KCNK10: variants seen among roughly 807,000 people sequenced by gnomAD.
The protein encoded by KCNK10 is potassium two pore domain channel subfamily K member 10.
In KCNK10, 25 loss-of-function variants were observed where a neutral mutation model predicts 47.7. The observed-to-expected ratio is 0.52, with a 90% confidence interval of 0.38 to 0.73. KCNK10 has a LOEUF of 0.73. Ranked by LOEUF, KCNK10 falls within the 30% of genes least tolerant of loss-of-function variation. KCNK10 has a pLI of 0.00. For synonymous variants in KCNK10, 303 were observed against 285.6 expected (o/e 1.06, Z -0.61); for missense variants, 563 against 714.5 (o/e 0.79, Z 2.42).
intron 2 of KCNK10, among the ~76,000 whole-genome samples, chr14:88,252,852 G>A (rs535313814): frequency 1.8e-3 from 273 of 152,294 alleles, no homozygotes; most frequent in African/African-American, 6.2e-3. Context: ...AGAGCTCTGC[G>A]TTAGAAGGCA....
chr14:88,219,013 A>G (rs751703418), intron 4 of KCNK10, among the ~76,000 whole-genome samples: 6 of 152,236 alleles, frequency 3.9e-5, no homozygotes, highest in Non-Finnish European at 7.3e-5. Context: ...CCCATCTGGA[A>G]GAGGTTAAGG....
At position 88,185,481 on chromosome 14, in the gene KCNK10, A is replaced by AC. The variant is rs1319461616; in HGVS notation, c.*53_*54insG. 109 of 1,510,858 alleles carry AC rather than the reference A, an allele frequency of 7.2e-5. No individual in the cohort carries two copies. Among genetic ancestry groups the AC allele is most frequent in the East Asian group, 2.6e-4 (11 of 42,348 alleles). The allele number at this position is 1,510,858 out of a possible 1,614,324, so 93.6% of individuals were successfully genotyped here. A position where few individuals can be genotyped will look rare whatever the true frequency, so the allele number is the denominator to read the frequency against. On this transcript the variant is annotated 3_prime_UTR_variant, in exon 7 of 7. Coordinates refer to ENST00000319231, the MANE Select transcript of KCNK10 (RefSeq NM_138317.3). This position sits in a 1 kb window ranked among gnomAD's most constrained non-coding sequence, Gnocchi z 4.3. The stretch of plus-strand genomic sequence containing the variant: ...GCACATGTCTCAGTGTGAATATTAA[A>AC]AACACACACACACACACACACAACG...
At chr14:88,271,950 C>A (rs1887416442) in intron 1 of KCNK10, among the ~76,000 whole-genome samples, 1 of 151,272 alleles carries the variant, frequency 6.6e-6, no homozygotes, top group Admixed American at 6.6e-5. Flanking sequence ...AAGTCAGAAG[C>A]CTCTCCACTA....
At chr14:88,284,945 TCA>T (rs1476646365) in intron 1 of KCNK10, among the ~76,000 whole-genome samples, 1 of 151,208 alleles carries the variant, frequency 6.6e-6, no homozygotes, top group Non-Finnish European at 1.5e-5. Flanking sequence ...TACATAATAC[TCA>T]CAGGGTGCTT....
chr14:88,274,560 A>G lies in KCNK10; in HGVS notation c.53-11009T>C, dbSNP rs553536988. The stretch of plus-strand genomic sequence containing the variant: ...AGTGAGACTCTATCTAAAAAAAAAA[A>G]AAAAAAGATCTTATGGCTTAAGTCC... On this transcript the variant is annotated intron_variant, in intron 1 of 6. Coordinates refer to ENST00000319231, the MANE Select transcript of KCNK10 (RefSeq NM_138317.3). Among the ~76,000 whole-genome samples, 2 of 149,982 alleles carry G rather than the reference A, an allele frequency of 1.3e-5. 1 individual carries two copies. The highest frequency in any genetic ancestry group is 4.9e-5 in the African/African-American group (2 of 40,926).
At chr14:88,235,713 A>G (rs1886281458) in intron 3 of KCNK10, among the ~76,000 whole-genome samples, 1 of 152,228 alleles carries the variant, frequency 6.6e-6, no homozygotes, top group Admixed American at 6.5e-5. Flanking sequence ...AAAGTAGAAG[A>G]GAAATGAGAG....
At position 88,219,234 on chromosome 14, in the gene KCNK10, T is replaced by C. The variant is rs117216093; in HGVS notation, c.681+8141A>G. Among the ~76,000 whole-genome samples the C allele has an allele frequency of 8.7e-3, 1,320 of 152,322 alleles. 10 individuals are homozygous for C. The highest frequency in any genetic ancestry group is 0.014 in the Non-Finnish European group (985 of 68,028). ...GGACCCAGGAGTGCATCTTAGAGCA[T>C]ATGAACATGACTATACCAGTGCGCA... is the stretch of plus-strand genomic sequence containing the variant. On this transcript the variant is annotated intron_variant, in intron 4 of 6. Transcript: ENST00000319231.
rs530525064 is a variant in KCNK10, at chr14:88,181,130, G to A, written c.*4405C>T. 15 of 275,620 alleles carry A rather than the reference G, an allele frequency of 5.4e-5. No homozygotes were observed. The highest frequency in any genetic ancestry group is 3.4e-4 in the South Asian group (2 of 5,878). 17.1% of individuals were successfully genotyped at this position (275,620 alleles called of 1,614,324 possible). A position where few individuals can be genotyped will look rare whatever the true frequency, so the allele number is the denominator to read the frequency against. On this transcript the variant is annotated 3_prime_UTR_variant, in exon 7 of 7. Coordinates refer to ENST00000319231, the MANE Select transcript of KCNK10 (RefSeq NM_138317.3). ...ATGTTTGTTTTCCTACGCCTTTCCC[G>A]TGGTTCAGAAACCCTGGTACACACT...
chr14:88,257,010 C>T (rs906173391), intron 2 of KCNK10, among the ~76,000 whole-genome samples: 1 of 152,128 alleles, frequency 6.6e-6, no homozygotes, highest in African/African-American at 2.4e-5. Flanking sequence ...GATTAACCCC[C>T]GAGTCCTGGG....
At chr14:88,290,219 G>A (rs1430724802) in intron 1 of KCNK10, among the ~76,000 whole-genome samples, 2 of 152,096 alleles carry the variant, frequency 1.3e-5, no homozygotes, top group African/African-American at 2.4e-5. Flanking sequence ...CCAGAGAGAG[G>A]AGGCATGTGA....
chr14:88,320,064 C>T (rs1353210880), intron 1 of KCNK10, among the ~76,000 whole-genome samples: 2 of 152,196 alleles, frequency 1.3e-5, no homozygotes, highest in African/African-American at 4.8e-5. Flanking sequence ...ACTGTCACCC[C>T]TACCTTTGGG....
In KCNK10 at chr14:88,215,039, T is replaced by A. The variant is rs140481662; in HGVS notation, c.681+12336A>T. Among the ~76,000 whole-genome samples, 287 of 152,244 alleles carry A rather than the reference T, an allele frequency of 1.9e-3. 2 individuals are homozygous for A. The highest frequency in any genetic ancestry group is 6.6e-3 in the African/African-American group (273 of 41,546). The stretch of plus-strand genomic sequence containing the variant: ...TATGGGCTGTGTGACCTTGGACAAG[T>A]CACAGAACCAGTCTAAGCATTCCAA... On this transcript the variant is annotated intron_variant, in intron 4 of 6. Transcript: ENST00000319231.
chr14:88,211,164 TACTC>T (rs754153679), intron 4 of KCNK10, among the ~76,000 whole-genome samples: 4 of 152,230 alleles, frequency 2.6e-5, no homozygotes, highest in Non-Finnish European at 4.4e-5. Context: ...AGGGGGATAT[TACTC>T]AGCCTTGAAA....
intron 4 of KCNK10, among the ~76,000 whole-genome samples, chr14:88,197,380 T>C (rs1884946312): frequency 6.6e-6 from 1 of 151,876 alleles, no homozygotes; most frequent in South Asian, 2.1e-4. Context: ...AAGACCTGCC[T>C]GGCCAACATG....
Position 88,186,306 on chromosome 14 carries a change from T to C in KCNK10, c.1012-151A>G. ...GAGGTGCAAATGCTACCTTCTGCCC[T>C]AGTACTTCTGCCACCTGGACACCCA... On this transcript the variant is annotated intron_variant, in intron 6 of 6. Coordinates refer to ENST00000319231, the MANE Select transcript of KCNK10 (RefSeq NM_138317.3). The surrounding 1 kb of genome is among the most constrained non-coding windows in gnomAD (Gnocchi z 5.5). The C allele has an allele frequency of 2.1e-6, 2 of 968,038 alleles. No homozygotes were observed. The highest frequency in any genetic ancestry group is 2.9e-6 in the Non-Finnish European group (2 of 678,118). 60.0% of individuals were successfully genotyped at this position (968,038 alleles called of 1,614,324 possible).
chr14:88,228,091 A>G (rs978764011), intron 3 of KCNK10, among the ~76,000 whole-genome samples: 3 of 152,268 alleles, frequency 2.0e-5, no homozygotes, highest in Middle Eastern at 3.4e-3. Flanking sequence ...AGGGAAGGGA[A>G]GGCTTTGTGC....
At chr14:88,279,249 A>G (rs567840363) in intron 1 of KCNK10, among the ~76,000 whole-genome samples, 2 of 152,324 alleles carry the variant, frequency 1.3e-5, no homozygotes, top group South Asian at 4.1e-4. Flanking sequence ...ATCACCAGAC[A>G]TAATTTCCTT....
At chr14:88,299,687 T>C (rs992346788) in intron 1 of KCNK10, among the ~76,000 whole-genome samples, 1 of 152,232 alleles carries the variant, frequency 6.6e-6, no homozygotes, top group Non-Finnish European at 1.5e-5. Context: ...AGAATACCTA[T>C]GATTTCATAG....
At chr14:88,267,075 C>T (rs779898188) in intron 1 of KCNK10, among the ~76,000 whole-genome samples, 10 of 152,176 alleles carry the variant, frequency 6.6e-5, no homozygotes, top group African/African-American at 9.7e-5. Context: ...AGCATGACCT[C>T]GAAACTGTCA....
Sources: gnomAD v4.1 joint callset for allele counts (sites outside exome capture counted in the v4.1 genomes callset) on GRCh38, gnomAD v4.1.1 for gene constraint, Gnocchi (gnomAD v3.1) non-coding constraint, MANE v1.5 for transcripts, NCBI Gene and HGNC (gene_info 2026-07-23, HGNC 2026-07-21) for gene names.